Variants in TAFA5 observed in about 807,000 individuals in gnomAD.
The protein encoded by TAFA5 is TAFA chemokine like family member 5.
In TAFA5, 6 loss-of-function variants were observed where a neutral mutation model predicts 15.3. That is an observed-to-expected ratio of 0.39 (90% CI 0.21 to 0.77). TAFA5 has a LOEUF of 0.77. TAFA5 is among the 30% of genes least tolerant of loss of function. The pLI is 0.41. For synonymous variants in TAFA5, 103 were observed against 80.7 expected (o/e 1.28, Z -1.48); for missense variants, 161 against 193.1 (o/e 0.83, Z 0.98).
intron 1 of TAFA5, among the ~76,000 whole-genome samples, chr22:48,590,352 C>T (rs373519970): frequency 3.9e-5 from 6 of 152,334 alleles, no homozygotes; most frequent in African/African-American, 1.2e-4. Context: ...TATGCGGATG[C>T]GGACGGGCAT....
At chr22:48,582,362 A>G (rs1462699174) in intron 1 of TAFA5, among the ~76,000 whole-genome samples, 1 of 149,334 alleles carries the variant, frequency 6.7e-6, no homozygotes, top group Non-Finnish European at 1.5e-5. Flanking sequence ...AAAATACACC[A>G]CGTACCACAC....
Position 48,664,162 on chromosome 22 carries a change from A to G in TAFA5, c.262+17416A>G, listed in dbSNP as rs568243064. Among the ~76,000 whole-genome samples the G allele has an allele frequency of 2.0e-5, 3 of 152,354 alleles. No individual in the cohort carries two copies. The South Asian group carries it at 6.2e-4, about 32-fold the overall frequency. ...CAGTTTGTGGATGGAATACATGAAC[A>G]GAAATGGATTTTGATTGATGGCAGC... On this transcript the variant is annotated intron_variant, in intron 2 of 3. Transcript: ENST00000402357.
At chr22:48,572,071 T>A (rs1218183552) in intron 1 of TAFA5, among the ~76,000 whole-genome samples, 1 of 152,214 alleles carries the variant, frequency 6.6e-6, no homozygotes, top group Non-Finnish European at 1.5e-5. Flanking sequence ...TTGAGAATGA[T>A]ACTATTTAGA....
At position 48,566,584 on chromosome 22, in the gene TAFA5, C is replaced by T. The variant is rs181568206; in HGVS notation, c.112+76880C>T. ...CTTTAGGGAGGTAGCAGGGGCTGCC[C>T]GGGTACACCTAGCTTTAGCCCAACC... On this transcript the variant is annotated intron_variant, in intron 1 of 3. Transcript: ENST00000402357. The surrounding 1 kb of genome is among the most constrained non-coding windows in gnomAD (Gnocchi z 4.5). Among the ~76,000 whole-genome samples the T allele has an allele frequency of 4.1e-4, 62 of 152,214 alleles. No individual in the cohort carries two copies. Among genetic ancestry groups the T allele is most frequent in the Admixed American group, 2.1e-3 (32 of 15,288 alleles).
intron 2 of TAFA5, among the ~76,000 whole-genome samples, chr22:48,655,742 C>T (rs1052680565): frequency 1.3e-5 from 2 of 151,312 alleles, no homozygotes; most frequent in Non-Finnish European, 2.9e-5. Flanking sequence ...GTCCCCTGAG[C>T]GCTCTGAGCT....
chr22:48,691,226 C>T lies in TAFA5; in HGVS notation c.263-16491C>T, dbSNP rs551082202. Among the ~76,000 whole-genome samples, 4 of 152,312 alleles carry T rather than the reference C, an allele frequency of 2.6e-5. No individual in the cohort carries two copies. In the South Asian group the frequency reaches 8.3e-4, roughly 32 times the overall value. On this transcript the variant is annotated intron_variant, in intron 2 of 3. Transcript: ENST00000402357. Reference sequence around the variant, plus strand: ...CGGGTGCGAGGTGCAGGGGCCACTTCTGGGCCCCTTCCCTTGTTTGCCAAG... The same window carrying T: ...CGGGTGCGAGGTGCAGGGGCCACTTTTGGGCCCCTTCCCTTGTTTGCCAAG...
intron 1 of TAFA5, among the ~76,000 whole-genome samples, chr22:48,601,086 TA>T (rs752562195): frequency 1.2e-4 from 19 of 152,244 alleles, no homozygotes; most frequent in Non-Finnish European, 2.6e-4. Flanking sequence ...TACACGGCTT[TA>T]ACTACAGCCT....
At position 48,520,891 on chromosome 22, in the gene TAFA5, G is replaced by C. The variant is rs79462567; in HGVS notation, c.112+31187G>C. Among the ~76,000 whole-genome samples, 3 of 152,184 alleles carry C rather than the reference G, an allele frequency of 2.0e-5. No homozygotes were observed. In the South Asian group the frequency reaches 6.2e-4, roughly 32 times the overall value. ...TCCCTCAGGCCAGGGCCAGGGCCAG[G>C]GGGGGTCGCAGGGTGGGATGACAGG... On this transcript the variant is annotated intron_variant, in intron 1 of 3. Transcript: ENST00000402357.
chr22:48,674,840 A>C (rs1927920309), intron 2 of TAFA5, among the ~76,000 whole-genome samples: 1 of 151,980 alleles, frequency 6.6e-6, no homozygotes, highest in East Asian at 1.9e-4. Context: ...CTGTCACACT[A>C]TTCTTTCGGT....
At chr22:48,601,014 A>G (rs1477361614) in intron 1 of TAFA5, among the ~76,000 whole-genome samples, 3 of 152,212 alleles carry the variant, frequency 2.0e-5, no homozygotes, top group Non-Finnish European at 4.4e-5. Flanking sequence ...AGCTGATGCT[A>G]TCCTTGGTCA....
At chr22:48,518,526 C>G (rs1390305483) in intron 1 of TAFA5, among the ~76,000 whole-genome samples, 1 of 152,212 alleles carries the variant, frequency 6.6e-6, no homozygotes, top group Admixed American at 6.5e-5. Context: ...TGTCTCTTTT[C>G]CAGAACCCCA....
At chr22:48,600,571 TG>T (rs1344505731) in intron 1 of TAFA5, among the ~76,000 whole-genome samples, 5 of 152,286 alleles carry the variant, frequency 3.3e-5, no homozygotes, top group African/African-American at 1.2e-4. Flanking sequence ...TGATTTCGTG[TG>T]TGTGTGCATC....
rs78128606 is a variant in TAFA5 at position 48,677,742 on chromosome 22, C to A, written c.263-29975C>A. Among the ~76,000 whole-genome samples the A allele has an allele frequency of 6.2e-4, 95 of 152,252 alleles. 2 individuals carry two copies. In the East Asian group the frequency reaches 0.018, roughly 29 times the overall value. On this transcript the variant is annotated intron_variant, in intron 2 of 3. Transcript: ENST00000402357. ...AGAAACTGAAGAAAAAGTGAGTCTC[C>A]CTCACAAGGAGAGTCAGGTCGGGCG...
intron 1 of TAFA5, among the ~76,000 whole-genome samples, chr22:48,613,631 GTGTT>G (rs1359673587): frequency 6.6e-6 from 1 of 152,222 alleles, no homozygotes; most frequent in South Asian, 2.1e-4. Flanking sequence ...TCTCCATTGA[GTGTT>G]TGGTTCTGGG....
intron 1 of TAFA5, chr22:48,544,883 C>T (rs868117824): frequency 1.7e-5 from 8 of 470,226 alleles, no homozygotes; most frequent in Middle Eastern, 3.3e-4. Flanking sequence ...AAGCCAGACT[C>T]GGGGCTGAAG....
intron 1 of TAFA5, among the ~76,000 whole-genome samples, chr22:48,640,171 G>A (rs1202198430): frequency 6.6e-6 from 1 of 152,214 alleles, no homozygotes; most frequent in African/African-American, 2.4e-5. Flanking sequence ...GAGGCCACCA[G>A]ACCACTCCTC....
chr22:48,751,283 C>G lies in TAFA5; in HGVS notation c.*1436C>G, dbSNP rs1030140032. On this transcript the variant is annotated 3_prime_UTR_variant, in exon 4 of 4. Coordinates refer to ENST00000402357, the MANE Select transcript of TAFA5 (RefSeq NM_001082967.3). ...CTGTGTCCCCGCGTTCTGAGAAGTC[C>G]TCTGTCTTCGTGTCACTAGGTCCAG... is the stretch of plus-strand genomic sequence containing the variant. 6.6e-6 allele frequency: 1 copy of G among 152,466 alleles called. No homozygotes were observed. The highest frequency in any genetic ancestry group is 1.5e-5 in the Non-Finnish European group (1 of 68,054). 9.4% of individuals were successfully genotyped at this position (152,466 alleles called of 1,614,324 possible).
chr22:48,515,627 G>C (rs1481570928), intron 1 of TAFA5, among the ~76,000 whole-genome samples: 3 of 152,116 alleles, frequency 2.0e-5, no homozygotes, highest in Non-Finnish European at 4.4e-5. Context: ...CCTTCTAGTT[G>C]CCCAATTCCA....
chr22:48,636,409 G>A (rs1342656588), intron 1 of TAFA5, among the ~76,000 whole-genome samples: 1 of 152,182 alleles, frequency 6.6e-6, no homozygotes, highest in Admixed American at 6.5e-5. Flanking sequence ...CTTAAATATT[G>A]AGACTATGAT....
Sources: gnomAD v4.1 joint callset for allele counts (sites outside exome capture counted in the v4.1 genomes callset) on GRCh38, gnomAD v4.1.1 for gene constraint, Gnocchi (gnomAD v3.1) non-coding constraint, MANE v1.5 for transcripts, NCBI Gene and HGNC (gene_info 2026-07-23, HGNC 2026-07-21) for gene names.